The following KAZN variants were observed in gnomAD, a reference collection of about 807,000 sequenced individuals.
KAZN encodes kazrin, periplakin interacting protein.
Under a neutral mutation model 87.4 loss-of-function variants are expected in KAZN, and 40 were observed. The ratio of observed to expected loss-of-function variants is 0.46; its 90% CI spans 0.36 to 0.60. The LOEUF (loss-of-function observed/expected upper bound fraction) is 0.60. Among genes scored for constraint, KAZN ranks in the 20% least tolerant of loss-of-function variants. KAZN has a pLI of 0.00. For missense variants in KAZN, 898 were observed against 1,073.9 expected, an observed-to-expected ratio of 0.84 and a Z score of 2.29; for synonymous variants, 466 against 458.3, an observed-to-expected ratio of 1.02 and a Z score of -0.22.
chr1:14,883,639 C>T (rs75435434), intron 1 of KAZN, among the ~76,000 whole-genome samples: 11,168 of 152,052 alleles, frequency 0.073, 537 homozygotes, highest in Middle Eastern at 0.21. Flanking sequence ...TACCTGCACA[C>T]AATATTGGAT....
intron 1 of KAZN, among the ~76,000 whole-genome samples, chr1:14,600,753 C>T (rs1676901377): frequency 6.6e-6 from 1 of 150,962 alleles, no homozygotes; most frequent in Non-Finnish European, 1.5e-5. Flanking sequence ...AAAGAAATAG[C>T]TAAGAACTGG....
At chr1:14,623,754 CT>C (rs369847872) in intron 1 of KAZN, among the ~76,000 whole-genome samples, 2 of 151,450 alleles carry the variant, frequency 1.3e-5, no homozygotes, top group Admixed American at 6.6e-5. Flanking sequence ...TCATTTTCAT[CT>C]TTTTTTTTCT....
chr1:14,638,530 C>T (rs972777911), intron 1 of KAZN, among the ~76,000 whole-genome samples: 3 of 147,136 alleles, frequency 2.0e-5, no homozygotes, highest in East Asian at 2.0e-4. Flanking sequence ...GATTGCACCA[C>T]GGCACTCCAG....
intron 1 of KAZN, among the ~76,000 whole-genome samples, chr1:14,918,402 A>G (rs1034236330): frequency 6.6e-6 from 1 of 151,880 alleles, no homozygotes; most frequent in African/African-American, 2.4e-5. Flanking sequence ...TGGGGCTGGC[A>G]TGGTGGCTCA....
At chr1:13,923,453 G>A (rs1640141602) in intron 1 of KAZN, among the ~76,000 whole-genome samples, 1 of 151,370 alleles carries the variant, frequency 6.6e-6, no homozygotes, top group South Asian at 2.1e-4. Flanking sequence ...GGTGCCTGTA[G>A]TCCCAGCTAC....
At chr1:15,092,195 G>A (rs1640580628) in intron 8 of KAZN, among the ~76,000 whole-genome samples, 1 of 149,798 alleles carries the variant, frequency 6.7e-6, no homozygotes, top group Non-Finnish European at 1.5e-5. Context: ...TCCTGCCTCA[G>A]CCTCCCGAGT....
At chr1:14,753,283 A>G (rs1644464301) in intron 1 of KAZN, among the ~76,000 whole-genome samples, 1 of 152,200 alleles carries the variant, frequency 6.6e-6, no homozygotes, top group African/African-American at 2.4e-5. Flanking sequence ...GGTTATATAA[A>G]TAAGTTCTTT....
intron 2 of KAZN, among the ~76,000 whole-genome samples, chr1:14,543,727 C>T (rs1672952372): frequency 6.6e-6 from 1 of 152,124 alleles, no homozygotes; most frequent in Non-Finnish European, 1.5e-5. Context: ...TCCATTTTTG[C>T]AGCGTCGGGT....
At chr1:15,047,986 C>T (rs1227378168) in intron 4 of KAZN, among the ~76,000 whole-genome samples, 1 of 152,160 alleles carries the variant, frequency 6.6e-6, no homozygotes, top group African/African-American at 2.4e-5. Context: ...TGGTGCTGGG[C>T]GGTTTCTTAA....
intron 1 of KAZN, among the ~76,000 whole-genome samples, chr1:14,859,873 G>C (rs895970786): frequency 2.0e-5 from 3 of 152,134 alleles, no homozygotes; most frequent in Non-Finnish European, 4.4e-5. Context: ...ATAAGGATGC[G>C]GCAGTGGGAC....
intron 2 of KAZN, among the ~76,000 whole-genome samples, chr1:14,465,563 C>T (rs1033099286): frequency 3.9e-5 from 6 of 152,224 alleles, no homozygotes; most frequent in African/African-American, 7.2e-5. Context: ...CCAGAGCGAG[C>T]ATTCCAGGGG....
At chr1:14,344,693 G>A (rs1657983747) in intron 2 of KAZN, among the ~76,000 whole-genome samples, 1 of 152,146 alleles carries the variant, frequency 6.6e-6, no homozygotes, top group South Asian at 2.1e-4. Context: ...CATTAAATAG[G>A]GAGGTGAGGA....
chr1:14,209,842 C>T (rs1485567496), intron 2 of KAZN, among the ~76,000 whole-genome samples: 1 of 152,168 alleles, frequency 6.6e-6, no homozygotes, highest in Non-Finnish European at 1.5e-5. Flanking sequence ...ATCTGGACAT[C>T]AGCATACAGC....
intron 1 of KAZN, among the ~76,000 whole-genome samples, chr1:14,738,261 G>A (rs76229933): frequency 0.026 from 4,011 of 152,216 alleles, 116 homozygotes; most frequent in East Asian, 0.13. Flanking sequence ...CTCAATTTCA[G>A]CATGATTTGC....
intron 1 of KAZN, among the ~76,000 whole-genome samples, chr1:14,034,983 T>G (rs1405122980): frequency 6.6e-6 from 1 of 152,158 alleles, no homozygotes; most frequent in Non-Finnish European, 1.5e-5. Flanking sequence ...GGCAGCATGA[T>G]AAAACTCTCA....
At chr1:14,775,642 G>A (rs1042732921) in intron 1 of KAZN, among the ~76,000 whole-genome samples, 1 of 152,150 alleles carries the variant, frequency 6.6e-6, no homozygotes, top group Admixed American at 6.5e-5. Flanking sequence ...CATGCTGCTC[G>A]CCACACTTCC....
At chr1:14,696,508 G>A (rs1243787562) in intron 1 of KAZN, among the ~76,000 whole-genome samples, 1 of 152,228 alleles carries the variant, frequency 6.6e-6, no homozygotes, top group African/African-American at 2.4e-5. Flanking sequence ...GAGATGGGCA[G>A]GAAGAAGCCA....
intron 2 of KAZN, among the ~76,000 whole-genome samples, chr1:15,026,426 G>A (rs898972173): frequency 3.3e-5 from 5 of 152,154 alleles, no homozygotes; most frequent in African/African-American, 1.2e-4. Flanking sequence ...ACAAAGGTGA[G>A]GTCTGTTGGG....
At chr1:14,665,951 A>T (rs1041491646) in intron 1 of KAZN, among the ~76,000 whole-genome samples, 15 of 151,880 alleles carry the variant, frequency 9.9e-5, no homozygotes, top group Admixed American at 7.9e-4. Context: ...AAAAAAAAAA[A>T]AATAACATAC....
Sources: allele counts gnomAD v4.1 joint callset (sites outside exome capture counted in the v4.1 genomes callset), GRCh38; gene constraint gnomAD v4.1.1; transcripts MANE v1.5; gene names NCBI Gene and HGNC (gene_info 2026-07-23, HGNC 2026-07-21).